Variants in CDH4 observed in about 807,000 individuals in gnomAD.
CDH4 encodes cadherin 4.
CDH4 carries 33 observed loss-of-function variants against 86.0 expected under a neutral mutation model. The ratio of observed to expected loss-of-function variants is 0.38; its 90% confidence interval spans 0.29 to 0.51. The LOEUF (loss-of-function observed/expected upper bound fraction) is 0.51, where lower values mean the gene tolerates loss of function less well. Ranked by LOEUF, CDH4 falls within the 20% of genes least tolerant of loss-of-function variation. The pLI is 0.86. For synonymous variants in CDH4, 555 were observed against 549.4 expected (o/e 1.01, Z -0.14); for missense variants, 1,114 against 1,307.4 (o/e 0.85, Z 2.28).
chr20:61,356,040 T>G (rs552416438), intron 2 of CDH4, among the ~76,000 whole-genome samples: 2 of 152,346 alleles, frequency 1.3e-5, no homozygotes, highest in South Asian at 4.1e-4. Context: ...AATTTTCTTT[T>G]TAGTATTTTC....
intron 2 of CDH4, among the ~76,000 whole-genome samples, chr20:61,274,360 G>T (rs1360739222): frequency 9.6e-5 from 10 of 103,922 alleles, no homozygotes; most frequent in Admixed American, 2.3e-4. Flanking sequence ...ACTGCATGCA[G>T]TTGTTTGGGG....
intron 4 of CDH4, among the ~76,000 whole-genome samples, chr20:61,784,722 A>C (rs62206260): frequency 0.093 from 3,431 of 36,870 alleles, 184 homozygotes; most frequent in South Asian, 0.16. Context: ...GACAGTTCTC[A>C]AGGCCCTCCG....
At chr20:61,359,288 C>T (rs1359241638) in intron 2 of CDH4, among the ~76,000 whole-genome samples, 1 of 152,138 alleles carries the variant, frequency 6.6e-6, no homozygotes, top group African/African-American at 2.4e-5. Flanking sequence ...GGGTGGACTA[C>T]GAGGTCACTC....
intron 2 of CDH4, among the ~76,000 whole-genome samples, chr20:61,673,295 C>A (rs2087410543): frequency 6.6e-6 from 1 of 152,192 alleles, no homozygotes; most frequent in Admixed American, 6.5e-5. Flanking sequence ...TGAATCTCAG[C>A]GGCAGCTGCA....
chr20:61,849,796 G>C (rs1035396987), intron 5 of CDH4, among the ~76,000 whole-genome samples: 1 of 152,216 alleles, frequency 6.6e-6, no homozygotes, highest in Non-Finnish European at 1.5e-5. Flanking sequence ...AGAACGTTCA[G>C]CTTTCGAAGG....
chr20:61,340,528 C>A (rs1359471503), intron 2 of CDH4, among the ~76,000 whole-genome samples: 1 of 151,994 alleles, frequency 6.6e-6, no homozygotes, highest in Non-Finnish European at 1.5e-5. Flanking sequence ...GACATAATTG[C>A]TGGACCAAGG....
intron 4 of CDH4, among the ~76,000 whole-genome samples, chr20:61,776,802 T>A (rs999246170): frequency 1.3e-5 from 2 of 152,200 alleles, no homozygotes; most frequent in African/African-American, 4.8e-5. Flanking sequence ...ACAAGTGGCA[T>A]ACGTCAATCG....
At chr20:61,504,445 G>A (rs111852921) in intron 2 of CDH4, among the ~76,000 whole-genome samples, 161 of 152,292 alleles carry the variant, frequency 1.1e-3, no homozygotes, top group African/African-American at 3.6e-3. Context: ...GGTGTTTGTG[G>A]TGACATCCTG....
chr20:61,665,221 C>T (rs909349541), intron 2 of CDH4, among the ~76,000 whole-genome samples: 3 of 152,194 alleles, frequency 2.0e-5, no homozygotes, highest in African/African-American at 7.2e-5. Flanking sequence ...AAGGCGAGCA[C>T]CATGCTGGTG....
At chr20:61,273,348 AGTTTGGGGGAGTACCGTG>A (rs1286183540) in intron 2 of CDH4, among the ~76,000 whole-genome samples, 9 of 120,450 alleles carry the variant, frequency 7.5e-5, no homozygotes, top group Non-Finnish European at 6.6e-5. Context: ...TACCTTGTGC[AGTTTGGGGGAGTACCGTG>A]TGCAGTTTAG....
intron 2 of CDH4, among the ~76,000 whole-genome samples, chr20:61,535,306 G>A (rs2085988328): frequency 6.6e-6 from 1 of 152,216 alleles, no homozygotes; most frequent in South Asian, 2.1e-4. Flanking sequence ...TGAGTCAGGT[G>A]CAGAGGTGCC....
At chr20:61,490,932 C>T (rs970134514) in intron 2 of CDH4, among the ~76,000 whole-genome samples, 1 of 152,164 alleles carries the variant, frequency 6.6e-6, no homozygotes, top group African/African-American at 2.4e-5. Flanking sequence ...TCATCTGATA[C>T]AATTTGTGTA....
At chr20:61,646,317 T>A (rs916799009) in intron 2 of CDH4, among the ~76,000 whole-genome samples, 4 of 152,032 alleles carry the variant, frequency 2.6e-5, no homozygotes, top group Non-Finnish European at 5.9e-5. Context: ...CTTCCGTGAG[T>A]GTTTATTCAG....
At chr20:61,691,252 A>AGT (rs1393563398) in intron 2 of CDH4, among the ~76,000 whole-genome samples, 1 of 151,966 alleles carries the variant, frequency 6.6e-6, no homozygotes, top group Non-Finnish European at 1.5e-5. Context: ...GTAAGAATTC[A>AGT]GTGTGTGTGT....
intron 2 of CDH4, among the ~76,000 whole-genome samples, chr20:61,634,319 C>T (rs6061682): frequency 0.34 from 52,088 of 152,024 alleles, 8,965 homozygotes; most frequent in East Asian, 0.49. Flanking sequence ...TTCCGAGCCC[C>T]CAGAAGGAAT....
intron 2 of CDH4, among the ~76,000 whole-genome samples, chr20:61,330,577 A>G (rs1362885115): frequency 2.6e-5 from 4 of 152,238 alleles, no homozygotes; most frequent in Non-Finnish European, 5.9e-5. Flanking sequence ...CAAGAAAAGT[A>G]TCCGCATGTC....
chr20:61,421,780 A>AT (rs1276222889), intron 2 of CDH4, among the ~76,000 whole-genome samples: 1 of 152,206 alleles, frequency 6.6e-6, no homozygotes, highest in Admixed American at 6.5e-5. Flanking sequence ...GGCCCCCATC[A>AT]TTTGTCCAGC....
chr20:61,486,722 T>TTAAAAAAATTAAAAAAATTTTTTTAATTA (rs2085598710), intron 2 of CDH4, among the ~76,000 whole-genome samples: 1 of 128,386 alleles, frequency 7.8e-6, no homozygotes, highest in Non-Finnish European at 1.8e-5. Flanking sequence ...AGACCTCACC[T>TTAAAAAAATTAAAAAAATTTTTTTAATTA]CTTAAAAAAA....
intron 2 of CDH4, among the ~76,000 whole-genome samples, chr20:61,524,798 A>C (rs1173845888): frequency 6.6e-6 from 1 of 152,186 alleles, no homozygotes; most frequent in Non-Finnish European, 1.5e-5. Flanking sequence ...TTTCAAAATT[A>C]AAATTTTTAA....
Sources: gnomAD v4.1 joint callset for allele counts (sites outside exome capture counted in the v4.1 genomes callset) on GRCh38, gnomAD v4.1.1 for gene constraint, MANE v1.5 for transcripts, NCBI Gene and HGNC (gene_info 2026-07-23, HGNC 2026-07-21) for gene names.